CMKLR1: variants seen among roughly 807,000 people sequenced by gnomAD.
CMKLR1 encodes chemerin-like receptor 1.
In CMKLR1, 6 loss-of-function variants were observed where a neutral mutation model predicts 8.2. The observed-to-expected ratio is 0.73, with a 90% CI of 0.40 to 1.44. The LOEUF (loss-of-function observed/expected upper bound fraction) is 1.44. Ranked by LOEUF, CMKLR1 falls within the 40% of genes most tolerant of loss-of-function variation. The probability of loss-of-function intolerance (pLI) is 0.02; values close to 1 mark genes in which losing one functional copy is unlikely to be tolerated. For missense variants in CMKLR1, 429 were observed against 478.0 expected, an observed-to-expected ratio of 0.90 and a Z score of 0.96; for synonymous variants, 178 against 181.2, an observed-to-expected ratio of 0.98 and a Z score of 0.14.
chr12:108,321,817 G>A (rs1891869109), intron 2 of CMKLR1, among the ~76,000 whole-genome samples: 1 of 152,160 alleles, frequency 6.6e-6, no homozygotes, highest in Non-Finnish European at 1.5e-5. Flanking sequence ...ACTGAACTAG[G>A]AATTGAGCAC....
intron 2 of CMKLR1, among the ~76,000 whole-genome samples, chr12:108,315,936 A>G (rs568365670): frequency 6.6e-6 from 1 of 152,124 alleles, no homozygotes; most frequent in Admixed American, 6.5e-5. Context: ...AATGAAGATG[A>G]ATCTTGCTGC....
In CMKLR1 at chr12:108,327,057, C is replaced by G. The variant is rs868115634; in HGVS notation, c.-74+2938G>C. The stretch of plus-strand genomic sequence containing the variant: ...TCACCCAGCTGGTAATCAAGGGACT[C>G]AGGATTTGAACTCAGGTCTAACTCC... On this transcript the variant is annotated intron_variant, in intron 2 of 3. Transcript: ENST00000550402. Among the ~76,000 whole-genome samples, 56 of 152,272 alleles carry G rather than the reference C, an allele frequency of 3.7e-4. 1 individual carries two copies. Among genetic ancestry groups the G allele is most frequent in the African/African-American group, 1.2e-3 (49 of 41,550 alleles).
chr12:108,329,735 C>T (rs183435883), intron 2 of CMKLR1, among the ~76,000 whole-genome samples: 3 of 152,320 alleles, frequency 2.0e-5, no homozygotes, highest in South Asian at 2.1e-4. Flanking sequence ...TCACCTGTCT[C>T]CCACTCAACA....
rs1447968536 is a variant in CMKLR1, at chr12:108,290,346, T to C, written c.*1495A>G. On this transcript the variant is annotated 3_prime_UTR_variant, in exon 4 of 4. Coordinates refer to ENST00000550402, the MANE Select transcript of CMKLR1 (RefSeq NM_001142343.2). ...CTTTGGGCAAGTTACTTAACCTCTCTAAGCCTCAGATTCCTCCTATGTAAA... is the reference window on the plus strand; with the variant it reads ...CTTTGGGCAAGTTACTTAACCTCTCCAAGCCTCAGATTCCTCCTATGTAAA... The C allele has an allele frequency of 6.6e-6, 1 of 152,198 alleles. No individual in the cohort carries two copies. The highest frequency in any genetic ancestry group is 2.4e-5 in the African/African-American group (1 of 41,444). 9.4% of individuals were successfully genotyped at this position (152,198 alleles called of 1,614,324 possible). A position where few individuals can be genotyped will look rare whatever the true frequency, so the allele number is the denominator to read the frequency against.
At chr12:108,325,288 C>A (rs1054970017) in intron 2 of CMKLR1, among the ~76,000 whole-genome samples, 2 of 152,184 alleles carry the variant, frequency 1.3e-5, no homozygotes, top group African/African-American at 4.8e-5. Flanking sequence ...TTCATTTCAC[C>A]CCTGTCCACT....
chr12:108,292,054 G>A lies in CMKLR1; in HGVS notation c.909C>T (p.Ala303=). ...TCATGCAGCTGTTGGCAATGGCAAG[G>A]GCAGTGGCCAGGGGCAAACCCAGGC... ...VFSLGLPLAT[A]LAIANSCMNP... The change falls in exon 4 of 4, where the codon GCC becomes GCT. Residue 303 remains alanine (A), a synonymous_variant. Transcript: ENST00000550402. 6.2e-7 allele frequency: 1 copy of A among 1,614,232 alleles called. No individual in the cohort carries two copies. Among genetic ancestry groups the A allele is most frequent in the Non-Finnish European group, 8.5e-7 (1 of 1,180,038 alleles).
At chr12:108,321,553 C>T (rs991803729) in intron 2 of CMKLR1, among the ~76,000 whole-genome samples, 1 of 152,208 alleles carries the variant, frequency 6.6e-6, no homozygotes, top group Non-Finnish European at 1.5e-5. Flanking sequence ...CTCACCACCC[C>T]CTAACTCTGA....
chr12:108,314,988 A>G (rs1427948156), intron 2 of CMKLR1, among the ~76,000 whole-genome samples: 1 of 130,204 alleles, frequency 7.7e-6, no homozygotes, highest in African/African-American at 3.1e-5. Flanking sequence ...CCCAGGCTGG[A>G]GTGCAATGGC....
intron 2 of CMKLR1, among the ~76,000 whole-genome samples, chr12:108,312,113 T>A (rs1377907112): frequency 1.3e-5 from 2 of 152,086 alleles, no homozygotes; most frequent in African/African-American, 4.8e-5. Context: ...CACCCCCTCA[T>A]CTCCTTGTGT....
chr12:108,334,353 C>T lies in CMKLR1; in HGVS notation c.-286-4146G>A, dbSNP rs187221855. Among the ~76,000 whole-genome samples the T allele has an allele frequency of 2.4e-3, 359 of 152,374 alleles. 2 individuals carry two copies. Among genetic ancestry groups the T allele is most frequent in the Non-Finnish European group, 4.1e-3 (279 of 68,032 alleles). ...TTACTCCCACATGCATTTATTCACA[C>T]AGGAAAGTGCTCCCAGGCACCCACT... On this transcript the variant is annotated intron_variant, in intron 1 of 3. Coordinates refer to ENST00000550402, the MANE Select transcript of CMKLR1 (RefSeq NM_001142343.2).
intron 1 of CMKLR1, among the ~76,000 whole-genome samples, chr12:108,332,880 G>T (rs1453229285): frequency 6.6e-6 from 1 of 152,128 alleles, no homozygotes; most frequent in Non-Finnish European, 1.5e-5. Flanking sequence ...CTCAGGAGGT[G>T]GGAGGATTAC....
intron 2 of CMKLR1, among the ~76,000 whole-genome samples, chr12:108,298,666 C>G (rs1189455377): frequency 1.3e-5 from 2 of 152,144 alleles, no homozygotes; most frequent in Non-Finnish European, 2.9e-5. Flanking sequence ...CACCAGAGAC[C>G]ACATCATTCA....
chr12:108,305,956 G>A (rs1891395295), intron 2 of CMKLR1, among the ~76,000 whole-genome samples: 1 of 152,176 alleles, frequency 6.6e-6, no homozygotes, highest in Admixed American at 6.5e-5. Flanking sequence ...TGAGCTCACC[G>A]ACTCAGGGAG....
At position 108,292,274 on chromosome 12, in the gene CMKLR1, A is replaced by T. The variant is rs749428744; in HGVS notation, c.689T>A (p.Leu230Gln). 2 of 1,614,238 alleles carry T rather than the reference A, an allele frequency of 1.2e-6. No individual in the cohort carries two copies. Among genetic ancestry groups the T allele is most frequent in the South Asian group, 2.2e-5 (2 of 91,086 alleles). Residue 230 changes from leucine (L) to glutamine (Q), a missense_variant, in exon 4 of 4, where the codon CTG (leucine) becomes CAG (glutamine). Physicochemically the swap from Leu to Gln is moderately radical, Grantham distance 113 (BLOSUM62 -2). Transcript: ENST00000550402. Reference sequence around the variant, plus strand: ...AGCTGTGATGATGAGGACTGGGACCAGGAAGCCACAGAGGAAGCGGGTGAC... The same window carrying T: ...AGCTGTGATGATGAGGACTGGGACCTGGAAGCCACAGAGGAAGCGGGTGAC... ...VTVTRFLCGFLVPVLIITACY... is the reference protein window; with the variant it reads ...VTVTRFLCGFQVPVLIITACY...
chr12:108,310,055 G>A (rs974519113), intron 2 of CMKLR1, among the ~76,000 whole-genome samples: 4 of 152,144 alleles, frequency 2.6e-5, no homozygotes, highest in African/African-American at 9.7e-5. Flanking sequence ...TGGAGGAGGT[G>A]GCATTTGAGC....
chr12:108,308,840 C>T (rs556909016), intron 2 of CMKLR1, among the ~76,000 whole-genome samples: 1 of 152,324 alleles, frequency 6.6e-6, no homozygotes, highest in African/African-American at 2.4e-5. Flanking sequence ...TCATTAAATA[C>T]CTATTATGAG....
intron 2 of CMKLR1, among the ~76,000 whole-genome samples, chr12:108,304,260 G>A (rs1391746030): frequency 6.6e-6 from 1 of 152,098 alleles, no homozygotes; most frequent in Non-Finnish European, 1.5e-5. Flanking sequence ...TAGAGACAGT[G>A]AGTTCTCCTT....
chr12:108,291,529 C>T lies in CMKLR1; in HGVS notation c.*312G>A, dbSNP rs1593154518. 1 of 324,806 alleles carries T rather than the reference C, an allele frequency of 3.1e-6. No homozygotes were observed. The highest frequency in any genetic ancestry group is 7.2e-5 in the East Asian group (1 of 13,958). The allele number at this position is 324,806 out of a possible 1,614,324, so 20.1% of individuals were successfully genotyped here. On this transcript the variant is annotated 3_prime_UTR_variant, in exon 4 of 4. Transcript: ENST00000550402. Reference sequence around the variant, plus strand: ...GCACACACAATAGGCAGCTTAATCCCACCGCCCTATGCCAATCCCAGTTCA... The same window carrying T: ...GCACACACAATAGGCAGCTTAATCCTACCGCCCTATGCCAATCCCAGTTCA...
intron 2 of CMKLR1, among the ~76,000 whole-genome samples, chr12:108,320,874 C>T (rs1314556200): frequency 2.0e-5 from 3 of 152,228 alleles, no homozygotes; most frequent in African/African-American, 7.2e-5. Context: ...TGCTTGTAAA[C>T]CTGTGAAATT....
Sources: gnomAD v4.1 joint callset for allele counts (sites outside exome capture counted in the v4.1 genomes callset) on GRCh38, gnomAD v4.1.1 for gene constraint, MANE v1.5 for transcripts, NCBI Gene and HGNC (gene_info 2026-07-23, HGNC 2026-07-21) for gene names.